REXO4: variants seen among roughly 807,000 people sequenced by gnomAD.
The protein encoded by REXO4 is RNA exonuclease 4.
REXO4 carries 29 observed loss-of-function variants against 39.9 expected under a neutral mutation model. The observed-to-expected ratio is 0.73, with a 90% CI of 0.54 to 0.99. REXO4 has a LOEUF of 0.99. Among genes scored for constraint, REXO4 ranks in the 50% least tolerant of loss-of-function variants. The pLI is 0.00. For missense variants in REXO4, 524 were observed against 546.5 expected, an observed-to-expected ratio of 0.96 and a Z score of 0.41; for synonymous variants, 184 against 206.2, an observed-to-expected ratio of 0.89 and a Z score of 0.92.
rs1336555039 is a variant in REXO4 at position 133,407,951 on chromosome 9, G to T, written c.1075-70C>A. 27 of 1,253,578 alleles carry T rather than the reference G, an allele frequency of 2.2e-5. No individual in the cohort carries two copies. The East Asian group carries it at 6.4e-4, about 30-fold the overall frequency. 77.7% of individuals were successfully genotyped at this position (1,253,578 alleles called of 1,614,324 possible). On this transcript the variant is annotated intron_variant, in intron 6 of 7. Coordinates refer to ENST00000371942, the MANE Select transcript of REXO4 (RefSeq NM_020385.4). ...CCAAAGAGGGTCACCCCACCAAGCA[G>T]GGAGCGGTTGGCTACTGAACCTCAC...
intron 5 of REXO4, 57 bp from the exon 6 acceptor site, chr9:133,408,899 C>T: frequency 2.9e-6 from 3 of 1,017,246 alleles, no homozygotes; most frequent in Non-Finnish European, 4.5e-6. Context: ...AGTAGCAGAA[C>T]CCCCTCCCCC....
rs782582308 is a variant in REXO4 at position 133,412,418 on chromosome 9, C to T, written c.791G>A (p.Arg264His). 3.3e-5 allele frequency: 53 copies of T among 1,614,086 alleles called. No individual in the cohort carries two copies. The Admixed American group carries it at 5.7e-4, about 17-fold the overall frequency. Reference protein sequence around the residue: ...GPKGEESMAARVSIVNQYGKC... With the variant: ...GPKGEESMAAHVSIVNQYGKC... ...CCCATACTGGTTCACGATGGACACA[C>T]GGGCGGCCATGCTCTCCTCCCCCTT... The change falls in exon 4 of 8, where the codon CGT (arginine) becomes CAT (histidine). Residue 264 changes from arginine to histidine, a missense_variant. Coordinates refer to ENST00000371942, the MANE Select transcript of REXO4 (RefSeq NM_020385.4).
intron 5 of REXO4, among the ~76,000 whole-genome samples, chr9:133,410,011 C>CT (rs1839131128): frequency 6.6e-6 from 1 of 152,208 alleles, no homozygotes; most frequent in Non-Finnish European, 1.5e-5. Context: ...TGTGAGGACA[C>CT]TGCCCGGGGG....
Position 133,414,612 on chromosome 9 carries a change from C to T in REXO4, c.572+53G>A, listed in dbSNP as rs587622413. 3.9e-6 allele frequency: 6 copies of T among 1,527,392 alleles called. No homozygotes were observed. The East Asian group carries it at 1.3e-4, about 34-fold the overall frequency. The allele number at this position is 1,527,392 out of a possible 1,614,324, so 94.6% of individuals were successfully genotyped here. A position where few individuals can be genotyped will look rare whatever the true frequency, so the allele number is the denominator to read the frequency against. On this transcript the variant is annotated intron_variant, in intron 2 of 7. Transcript: ENST00000371942. ...CACCAGCCTCCATAAGGAGACAGGC[C>T]TTGGTGAAGTCGCTGTGCCTCGGTT...
At chr9:133,407,765 A>T in intron 7 of REXO4, 42 bp downstream of exon 7, 1 of 1,564,306 alleles carries the variant, frequency 6.4e-7, no homozygotes, top group Non-Finnish European at 8.8e-7. Context: ...CAGGTGGGAA[A>T]CCGCCCCAAA....
In REXO4 at chr9:133,414,727, T is replaced by C. The variant is rs2130734207; in HGVS notation, c.510A>G (p.Glu170=). The C allele has an allele frequency of 4.3e-6, 7 of 1,614,184 alleles. No homozygotes were observed. Among genetic ancestry groups the C allele is most frequent in the Non-Finnish European group, 5.9e-6 (7 of 1,180,030 alleles). ...KERTNGDIVP[E]RGDIEHKKRK... is the part of the protein sequence containing the mutation. ...GCTTCTTATGCTCGATGTCCCCTCG[T>C]TCTGGAACAATATCACCATTTGTCC... Residue 170 remains glutamate (E), a synonymous_variant, in exon 2 of 8, where the codon GAA becomes GAG. Transcript: ENST00000371942.
chr9:133,412,242 GA>G, intron 4 of REXO4, 56 bp downstream of exon 4: 2 of 1,559,876 alleles, frequency 1.3e-6, no homozygotes, highest in South Asian at 2.3e-5. Flanking sequence ...ACAAAAGGGA[GA>G]AAACGAATCC....
intron 1 of REXO4, among the ~76,000 whole-genome samples, chr9:133,415,272 T>G (rs1839510556): frequency 6.6e-6 from 1 of 152,172 alleles, no homozygotes; most frequent in Non-Finnish European, 1.5e-5. Context: ...GCATACAAAA[T>G]GTCAAACTCA....
At chr9:133,408,672 C>G in intron 6 of REXO4, 96 bp downstream of exon 6, 1 of 817,934 alleles carries the variant, frequency 1.2e-6, no homozygotes, top group Non-Finnish European at 2.0e-6. Flanking sequence ...AAAACAAAAA[C>G]CCTTTAACCA....
At chr9:133,413,467 C>A (rs182857994) in intron 2 of REXO4, among the ~76,000 whole-genome samples, 1 of 152,088 alleles carries the variant, frequency 6.6e-6, no homozygotes, top group Admixed American at 6.6e-5. Flanking sequence ...CAGACAAACA[C>A]AAAGAATATA....
intron 4 of REXO4, 63 bp from the exon 5 acceptor site, chr9:133,411,136 A>G (rs1839191934): frequency 7.3e-7 from 1 of 1,363,454 alleles, no homozygotes; most frequent in Admixed American, 1.7e-5. Flanking sequence ...TTCTGTGAGG[A>G]GGCAGCCCCG....
Position 133,408,707 on chromosome 9 carries a change from A to G in REXO4, c.1074+61T>C, listed in dbSNP as rs879694313. 2.8e-5 allele frequency: 33 copies of G among 1,191,396 alleles called. No individual in the cohort carries two copies. The Admixed American group carries it at 2.8e-4, about 10-fold the overall frequency. 73.8% of individuals were successfully genotyped at this position (1,191,396 alleles called of 1,614,324 possible). The stretch of plus-strand genomic sequence containing the variant: ...AACAAGTCAGCCACCAGTGACCAGA[A>G]ACAATGAAGTGACCAGCAAAACAGA... On this transcript the variant is annotated intron_variant, in intron 6 of 7. Transcript: ENST00000371942.
intron 6 of REXO4, 24 bp downstream of exon 6, chr9:133,408,744 T>C (rs782420059): frequency 1.8e-5 from 27 of 1,487,912 alleles, no homozygotes; most frequent in Middle Eastern, 1.7e-4. Context: ...ATACAGTATC[T>C]TGAGTCACAC....
intron 6 of REXO4, among the ~76,000 whole-genome samples, chr9:133,408,457 TAAA>T (rs35773096): frequency 3.0e-5 from 4 of 134,066 alleles, no homozygotes; most frequent in Non-Finnish European, 4.9e-5. Flanking sequence ...AGACCCTGTC[TAAA>T]AAAAAAAAAA....
chr9:133,406,903 T>A lies in REXO4; in HGVS notation c.*50A>T, dbSNP rs781785609. ...GGGAGATGTGATCTGTCCCTGTGAC[T>A]GGTCACATTGCCTCTGTAGCGGGGC... On this transcript the variant is annotated 3_prime_UTR_variant, in exon 8 of 8. Transcript: ENST00000371942. 27 of 1,603,442 alleles carry A rather than the reference T, an allele frequency of 1.7e-5. No homozygotes were observed. The Admixed American group carries it at 4.5e-4, about 27-fold the overall frequency.
At chr9:133,407,097 A>G in intron 7 of REXO4, 25 bp from the exon 8 acceptor site, 1 of 1,611,056 alleles carries the variant, frequency 6.2e-7, no homozygotes, top group South Asian at 1.1e-5. Flanking sequence ...ACATCCCAGC[A>G]GGTGACGAGG....
chr9:133,415,117 C>T, intron 1 of REXO4, 106 bp from the exon 2 acceptor site: 1 of 855,962 alleles, frequency 1.2e-6, no homozygotes, highest in Non-Finnish European at 1.8e-6. Flanking sequence ...ACACCAAACA[C>T]ATCTATACAA....
rs1839053976 is a variant in REXO4, at chr9:133,408,844, T to C, written c.1000-2A>G. On this transcript the variant is annotated splice_acceptor_variant, in intron 5 of 7. Coordinates refer to ENST00000371942, the MANE Select transcript of REXO4 (RefSeq NM_020385.4). LOFTEE classifies it high-confidence loss of function. ...TTTTGGATGATCAAGAAATAGTACCTAGAAAAATAAAATATAATGATAATC... is the reference window on the plus strand; with the variant it reads ...TTTTGGATGATCAAGAAATAGTACCCAGAAAAATAAAATATAATGATAATC... The C allele has an allele frequency of 1.9e-6, 3 of 1,557,746 alleles. No individual in the cohort carries two copies. In the East Asian group the frequency reaches 6.7e-5, roughly 35 times the overall value.
intron 5 of REXO4, among the ~76,000 whole-genome samples, chr9:133,409,975 C>G (rs781818054): frequency 6.6e-6 from 1 of 152,208 alleles, no homozygotes; most frequent in Non-Finnish European, 1.5e-5. Context: ...TGAGGGGGTA[C>G]AGCAGGAGCA....
Sources: allele counts gnomAD v4.1 joint callset (sites outside exome capture counted in the v4.1 genomes callset), GRCh38; gene constraint gnomAD v4.1.1; transcripts MANE v1.5; gene names NCBI Gene and HGNC (gene_info 2026-07-23, HGNC 2026-07-21).